Variants in MTCL3 observed in about 807,000 individuals in gnomAD.
MTCL3 encodes microtubule cross-linking factor 3.
At chr6:127,501,133 T>G in the MTCL3 span, among the ~76,000 whole-genome samples, 2 of 152,208 alleles carry the variant, frequency 1.3e-5, no homozygotes, top group Non-Finnish European at 2.9e-5. Flanking sequence ...AAGTTTCATT[T>G]TTGATTTTGG....
the MTCL3 span, among the ~76,000 whole-genome samples, chr6:127,503,773 G>A: frequency 6.6e-6 from 1 of 152,140 alleles, no homozygotes. Context: ...TCTATTTCTG[G>A]AAGTGGGGTG....
the MTCL3 span, chr6:127,515,473 A>G: frequency 7.2e-7 from 1 of 1,390,932 alleles, no homozygotes; most frequent in African/African-American, 1.5e-5. This position sits in a 1 kb window ranked among gnomAD's most constrained non-coding sequence, Gnocchi z 4.3. Context: ...TCCCAGGCCC[A>G]CTCTTCCCAT....
the MTCL3 span, among the ~76,000 whole-genome samples, chr6:127,492,420 TAAGAGG>T: frequency 1.3e-5 from 2 of 152,216 alleles, no homozygotes; most frequent in South Asian, 2.1e-4. Flanking sequence ...TGTAAAAGGC[TAAGAGG>T]AAGAGTTGAG....
the MTCL3 span, among the ~76,000 whole-genome samples, chr6:127,502,536 A>G: frequency 6.6e-6 from 1 of 152,200 alleles, no homozygotes; most frequent in African/African-American, 2.4e-5. Flanking sequence ...ATGAAGTGAG[A>G]TTTAAAGGGG....
At chr6:127,514,808 C>G in the MTCL3 span, 1 of 1,603,050 alleles carries the variant, frequency 6.2e-7, no homozygotes, top group Admixed American at 1.7e-5. Flanking sequence ...GCCATTGAGC[C>G]CCCGCGCCGC....
At chr6:127,495,269 C>T in the MTCL3 span, among the ~76,000 whole-genome samples, 39 of 151,880 alleles carry the variant, frequency 2.6e-4, no homozygotes, top group African/African-American at 9.4e-4. Flanking sequence ...TGGATGACAA[C>T]AACAAATGCA....
the MTCL3 span, among the ~76,000 whole-genome samples, chr6:127,495,431 G>C: frequency 6.6e-6 from 1 of 151,992 alleles, no homozygotes; most frequent in Non-Finnish European, 1.5e-5. Flanking sequence ...AAAAACTGTG[G>C]CCAACATTTA....
At chr6:127,484,250 C>A in the MTCL3 span, among the ~76,000 whole-genome samples, 1 of 152,126 alleles carries the variant, frequency 6.6e-6, no homozygotes, top group Non-Finnish European at 1.5e-5. Context: ...TACGTTCAAG[C>A]ACAGAAGGCA....
the MTCL3 span, among the ~76,000 whole-genome samples, chr6:127,480,185 C>G: frequency 1.3e-5 from 2 of 152,164 alleles, no homozygotes; most frequent in Non-Finnish European, 2.9e-5. Flanking sequence ...CTACTAGAAA[C>G]TAAATTGCAT....
the MTCL3 span, among the ~76,000 whole-genome samples, chr6:127,474,316 C>T: frequency 3.9e-5 from 6 of 152,166 alleles, no homozygotes; most frequent in East Asian, 7.7e-4. Flanking sequence ...CTCACTCTGT[C>T]GCCTAGGCTG....
the MTCL3 span, among the ~76,000 whole-genome samples, chr6:127,480,800 G>A: frequency 5.9e-5 from 9 of 152,186 alleles, no homozygotes; most frequent in South Asian, 4.1e-4. Flanking sequence ...CTGAGCATTG[G>A]AATCGTGTTA....
chr6:127,477,344 A>G, the MTCL3 span, among the ~76,000 whole-genome samples: 1 of 152,226 alleles, frequency 6.6e-6, no homozygotes, highest in African/African-American at 2.4e-5. Context: ...AAAAGTACAA[A>G]AGGAGGAATG....
At chr6:127,481,523 G>T in the MTCL3 span, 1 of 947,574 alleles carries the variant, frequency 1.1e-6, no homozygotes, top group Non-Finnish European at 1.3e-6. Flanking sequence ...AGAGGAAAAA[G>T]GAAAATAATA....
the MTCL3 span, among the ~76,000 whole-genome samples, chr6:127,515,247 C>T: frequency 6.6e-6 from 1 of 152,148 alleles, no homozygotes; most frequent in South Asian, 2.1e-4. The surrounding 1 kb of genome is among the most constrained non-coding windows in gnomAD (Gnocchi z 4.3). Flanking sequence ...CGTTCTCTTA[C>T]TCTACCTCTC....
the MTCL3 span, among the ~76,000 whole-genome samples, chr6:127,495,936 A>T: frequency 6.6e-6 from 1 of 152,118 alleles, no homozygotes; most frequent in Non-Finnish European, 1.5e-5. Context: ...GAATATTAAG[A>T]CATACACTCT....
At chr6:127,491,735 T>A in the MTCL3 span, among the ~76,000 whole-genome samples, 1 of 151,866 alleles carries the variant, frequency 6.6e-6, no homozygotes, top group East Asian at 1.9e-4. Flanking sequence ...TAGCCAGGCA[T>A]GGTGGCATGC....
chr6:127,475,964 C>T, the MTCL3 span: 3 of 1,611,640 alleles, frequency 1.9e-6, no homozygotes, highest in Non-Finnish European at 1.7e-6. The surrounding 1 kb of genome is among the most constrained non-coding windows in gnomAD (Gnocchi z 7.3). Flanking sequence ...CGCGCGCTGT[C>T]GTGGCCGCCG....
chr6:127,473,018 A>G, the MTCL3 span: 1 of 859,650 alleles, frequency 1.2e-6, no homozygotes, highest in Non-Finnish European at 1.4e-6. Flanking sequence ...GGAGACAAAC[A>G]GGATGAAAAA....
At chr6:127,487,585 A>C in the MTCL3 span, among the ~76,000 whole-genome samples, 7 of 152,204 alleles carry the variant, frequency 4.6e-5, no homozygotes, top group African/African-American at 1.7e-4. Context: ...CATCCTTGAC[A>C]CTTACCCAGA....
Sources: allele counts gnomAD v4.1 joint callset (sites outside exome capture counted in the v4.1 genomes callset), GRCh38; gene constraint gnomAD v4.1.1; non-coding constraint Gnocchi (gnomAD v3.1); transcripts MANE v1.5; gene names NCBI Gene and HGNC (gene_info 2026-07-23, HGNC 2026-07-21).